The following CPO variants were observed in gnomAD, a reference collection of about 807,000 sequenced individuals.
The protein encoded by CPO is carboxypeptidase O.
A neutral mutation model predicts 41.2 loss-of-function variants in CPO; 43 were observed. The ratio of observed to expected loss-of-function variants is 1.04; its 90% CI spans 0.82 to 1.35. CPO has a LOEUF of 1.35. Ranked by LOEUF, CPO falls within the 40% of genes most tolerant of loss-of-function variation. The pLI, the probability that CPO is intolerant of heterozygous loss-of-function variation, is 0.00. For synonymous variants in CPO, 178 were observed against 162.7 expected (o/e 1.09, Z -0.72); for missense variants, 408 against 451.7 (o/e 0.90, Z 0.88).
At chr2:206,964,420 T>C (rs967133728) in intron 7 of CPO, among the ~76,000 whole-genome samples, 1 of 152,338 alleles carries the variant, frequency 6.6e-6, no homozygotes, top group South Asian at 2.1e-4. Context: ...ATATATTACA[T>C]TCACTTTGGA....
chr2:206,961,221 T>A (rs561486427), intron 6 of CPO, among the ~76,000 whole-genome samples: 1 of 152,202 alleles, frequency 6.6e-6, no homozygotes, highest in Non-Finnish European at 1.5e-5. Flanking sequence ...TGTTTTTAAA[T>A]ATATGAATTA....
intron 3 of CPO, among the ~76,000 whole-genome samples, chr2:206,956,975 G>A (rs903999619): frequency 1.3e-5 from 2 of 152,172 alleles, no homozygotes; most frequent in African/African-American, 2.4e-5. Flanking sequence ...AATATCCTCT[G>A]CCTAGGGCAT....
At chr2:206,956,723 A>T (rs1693373717) in intron 3 of CPO, among the ~76,000 whole-genome samples, 1 of 152,212 alleles carries the variant, frequency 6.6e-6, no homozygotes, top group South Asian at 2.1e-4. Context: ...GTAGTATGGC[A>T]TTAAGAACCA....
chr2:206,960,217 A>G (rs1693452325), intron 5 of CPO, among the ~76,000 whole-genome samples: 1 of 152,200 alleles, frequency 6.6e-6, no homozygotes, highest in Admixed American at 6.5e-5. Flanking sequence ...TCTCTTTAAA[A>G]TGTTCCTAAA....
chr2:206,955,474 G>A lies in CPO; in HGVS notation c.177G>A (p.Trp59Ter), dbSNP rs73983116. The change falls in exon 3 of 9, where the codon TGG (tryptophan) becomes TGA (stop). Residue 59 changes from tryptophan (W) to a stop codon, truncating the protein, a stop_gained. Coordinates refer to ENST00000272852, the MANE Select transcript of CPO (RefSeq NM_173077.3). LOFTEE classifies it high-confidence loss of function. ...CCTTGCTGTTTCAGATCTATGAGTG[G>A]ATGAGAGAGATCAGTGAGAAGTACA... is the stretch of plus-strand genomic sequence containing the variant. ...IYHPMGEIYE[W>*]MREISEKYKE... 443 of 1,607,014 alleles carry A rather than the reference G, an allele frequency of 2.8e-4. 2 individuals are homozygous for A. In the African/African-American group the frequency reaches 5.2e-3, roughly 19 times the overall value.
At chr2:206,964,434 T>C (rs1366531318) in intron 7 of CPO, among the ~76,000 whole-genome samples, 3 of 152,182 alleles carry the variant, frequency 2.0e-5, no homozygotes, top group East Asian at 3.8e-4. Flanking sequence ...CTTTGGAGTA[T>C]AGAAATTGAA....
intron 7 of CPO, among the ~76,000 whole-genome samples, chr2:206,968,010 G>A (rs561672164): frequency 1.5e-3 from 227 of 152,284 alleles, no homozygotes; most frequent in African/African-American, 4.8e-3. Flanking sequence ...AGAATTCTAC[G>A]TGTGTGTTTG....
chr2:206,968,453 C>A, intron 8 of CPO, 106 bp downstream of exon 8: 1 of 706,074 alleles, frequency 1.4e-6, no homozygotes, highest in South Asian at 1.6e-5. Context: ...TTCCTGGGAT[C>A]AACAGGGAGT....
intron 7 of CPO, among the ~76,000 whole-genome samples, chr2:206,965,729 GAGA>G (rs1315881495): frequency 6.6e-6 from 1 of 152,116 alleles, no homozygotes; most frequent in Non-Finnish European, 1.5e-5. Context: ...TCTGGGCCCA[GAGA>G]AGGAGTTGTT....
At position 206,949,701 on chromosome 2, in the gene CPO, C is replaced by A. The variant is rs762609491; in HGVS notation, c.153C>A (p.His51Gln). The A allele has an allele frequency of 1.2e-6, 2 of 1,608,516 alleles. No homozygotes were observed. Among genetic ancestry groups the A allele is most frequent in the African/African-American group, 1.3e-5 (1 of 74,756 alleles). ...SLETYSYNIY[H>Q]PMGEIYEWMR... ...AGACGTATTCCTATAACATATACCA[C>A]CCCATGGGAGAGGTAAGGAAGGACA... Residue 51 changes from histidine (H) to glutamine (Q), a missense_variant, in exon 2 of 9, where the codon CAC (histidine) becomes CAA (glutamine). Physicochemically the swap from His to Gln is conservative, Grantham distance 24. Transcript: ENST00000272852.
chr2:206,950,259 C>T (rs79207966), intron 2 of CPO, among the ~76,000 whole-genome samples: 1 of 152,116 alleles, frequency 6.6e-6, no homozygotes, highest in Non-Finnish European at 1.5e-5. Flanking sequence ...AAACAAACAA[C>T]CCCATCAAAA....
rs778925028 is a variant in CPO at position 206,967,867 on chromosome 2, AAAG to A, written c.778-392_778-390del. ...TCTGGAAGCCAGGTGGGATCACTTG[AAAG>A]AAGGATTGGTGAGAGAAATCTATTA... is the stretch of plus-strand genomic sequence containing the variant. On this transcript the variant is annotated intron_variant, in intron 7 of 8. Coordinates refer to ENST00000272852, the MANE Select transcript of CPO (RefSeq NM_173077.3). 1.4e-3 allele frequency among the ~76,000 whole-genome samples: 206 copies of A among 152,302 alleles called. 4 individuals are homozygous for A. In the Middle Eastern group the frequency reaches 0.014, roughly 10 times the overall value.
Position 206,969,232 on chromosome 2 carries a change from T to C in CPO, c.921T>C (p.Tyr307=), listed in dbSNP as rs1236074291. 5.6e-6 allele frequency: 9 copies of C among 1,614,038 alleles called. No individual in the cohort carries two copies. The highest frequency in any genetic ancestry group is 6.8e-6 in the Non-Finnish European group (8 of 1,179,982). The change falls in exon 9 of 9, where the codon TAT becomes TAC. Residue 307 remains tyrosine (Y), a synonymous_variant. Coordinates refer to ENST00000272852, the MANE Select transcript of CPO (RefSeq NM_173077.3). ...GAGACATTGGGATTCCCTTCTCATA[T>C]ACGTTTGAGCTGAGGGACAGTGGAA... The part of the protein sequence containing the change: ...WARDIGIPFS[Y]TFELRDSGTY...
chr2:206,958,488 C>T (rs959766975), intron 4 of CPO, 83 bp downstream of exon 4: 1 of 703,370 alleles, frequency 1.4e-6, no homozygotes, highest in Non-Finnish European at 2.5e-6. Flanking sequence ...AACCACGCTT[C>T]TTTCACATGT....
intron 1 of CPO, among the ~76,000 whole-genome samples, chr2:206,947,239 A>G (rs933889740): frequency 1.1e-4 from 17 of 152,304 alleles, no homozygotes; most frequent in Admixed American, 1.0e-3. Flanking sequence ...AATCAAAGGG[A>G]GAAAATAGGG....
intron 1 of CPO, among the ~76,000 whole-genome samples, chr2:206,943,156 T>C (rs11685684): frequency 0.34 from 51,620 of 151,998 alleles, 9,222 homozygotes; most frequent in African/African-American, 0.44. Flanking sequence ...CACTTTTTAG[T>C]GTACTCCCTT....
At chr2:206,943,728 T>TGATAGATAGATAGATAGATAGATAGATA (rs68125401) in intron 1 of CPO, among the ~76,000 whole-genome samples, 1 of 123,608 alleles carries the variant, frequency 8.1e-6, no homozygotes, top group Non-Finnish European at 1.9e-5. Flanking sequence ...GATGGATAGA[T>TGATAGATAGATAGATAGATAGATAGATA]GATAGATAGA....
chr2:206,955,936 A>T (rs974842858), intron 3 of CPO, among the ~76,000 whole-genome samples: 6 of 152,092 alleles, frequency 3.9e-5, no homozygotes, highest in African/African-American at 1.2e-4. Context: ...GTTCTTTTTT[A>T]AAAAAAGAAA....
At chr2:206,940,935 C>A (rs972744924) in intron 1 of CPO, among the ~76,000 whole-genome samples, 1 of 152,044 alleles carries the variant, frequency 6.6e-6, no homozygotes, top group Non-Finnish European at 1.5e-5. Context: ...ATATTTCTTT[C>A]TCATTTTTCC....
Sources: gnomAD v4.1 joint callset for allele counts (sites outside exome capture counted in the v4.1 genomes callset) on GRCh38, gnomAD v4.1.1 for gene constraint, MANE v1.5 for transcripts, NCBI Gene and HGNC (gene_info 2026-07-23, HGNC 2026-07-21) for gene names.